The following ST6GALNAC3 variants were observed in gnomAD, a reference collection of about 807,000 sequenced individuals.
ST6GALNAC3 encodes ST6 N-acetylgalactosaminide alpha-2,6-sialyltransferase 3.
Under a neutral mutation model 32.7 loss-of-function variants are expected in ST6GALNAC3, and 25 were observed. That is an observed-to-expected ratio of 0.76 (90% CI 0.56 to 1.07). The LOEUF (loss-of-function observed/expected upper bound fraction) is 1.07. Among genes scored for constraint, ST6GALNAC3 ranks in the 50% least tolerant of loss-of-function variants. The probability of loss-of-function intolerance (pLI) is 0.00; values close to 1 mark genes in which losing one functional copy is unlikely to be tolerated. For missense variants in ST6GALNAC3, 355 were observed against 382.4 expected (o/e 0.93, Z 0.60); for synonymous variants, 129 against 133.1 (o/e 0.97, Z 0.21).
At chr1:76,257,281 T>C (rs56219151) in intron 1 of ST6GALNAC3, among the ~76,000 whole-genome samples, 1 of 152,132 alleles carries the variant, frequency 6.6e-6, no homozygotes. Context: ...AAATTCATTT[T>C]ATAGGAATTA....
At chr1:76,518,958 C>G (rs889757626) in intron 3 of ST6GALNAC3, among the ~76,000 whole-genome samples, 1 of 152,078 alleles carries the variant, frequency 6.6e-6, no homozygotes, top group Non-Finnish European at 1.5e-5. Flanking sequence ...CCTAGCTACT[C>G]AGGAGGCTAA....
chr1:76,256,491 T>C (rs920706635), intron 1 of ST6GALNAC3, among the ~76,000 whole-genome samples: 1 of 152,064 alleles, frequency 6.6e-6, no homozygotes, highest in East Asian at 1.9e-4. Context: ...TGAAGTGGCG[T>C]TGTAAGTGGC....
chr1:76,368,718 A>G (rs1557828930), intron 2 of ST6GALNAC3, among the ~76,000 whole-genome samples: 1 of 152,212 alleles, frequency 6.6e-6, no homozygotes, highest in Non-Finnish European at 1.5e-5. Context: ...TCATAATTCT[A>G]GCAGGTGAAA....
intron 1 of ST6GALNAC3, among the ~76,000 whole-genome samples, chr1:76,265,753 T>G (rs959046413): frequency 3.3e-5 from 5 of 152,188 alleles, no homozygotes; most frequent in African/African-American, 1.2e-4. Context: ...TAAATGAATA[T>G]ATAAAATCTC....
intron 3 of ST6GALNAC3, among the ~76,000 whole-genome samples, chr1:76,471,742 C>T (rs2101628101): frequency 6.6e-6 from 1 of 152,146 alleles, no homozygotes; most frequent in African/African-American, 2.4e-5. Flanking sequence ...GAGCCATTTC[C>T]TTTTGTTTTA....
intron 3 of ST6GALNAC3, among the ~76,000 whole-genome samples, chr1:76,451,168 T>C (rs1657372909): frequency 6.6e-6 from 1 of 152,190 alleles, no homozygotes; most frequent in Non-Finnish European, 1.5e-5. Context: ...ATATTGATTC[T>C]ACCCATCTGT....
intron 2 of ST6GALNAC3, among the ~76,000 whole-genome samples, chr1:76,367,219 G>A (rs942541378): frequency 2.0e-5 from 3 of 152,156 alleles, no homozygotes; most frequent in Non-Finnish European, 4.4e-5. Context: ...TATAAATTCA[G>A]TCATTAGTTT....
In ST6GALNAC3 at chr1:76,614,476, T is replaced by G. The variant is rs576149438; in HGVS notation, c.624-12976T>G. ...GGCTCACGCCTGTAATCCCAGCACT[T>G]TGGGAGGCCGAGGCGGGCAGATCAC... On this transcript the variant is annotated intron_variant, in intron 3 of 4. Coordinates refer to ENST00000328299, the MANE Select transcript of ST6GALNAC3 (RefSeq NM_152996.4). Among the ~76,000 whole-genome samples, 12 of 152,146 alleles carry G rather than the reference T, an allele frequency of 7.9e-5. No individual in the cohort carries two copies. The South Asian group carries it at 1.7e-3, about 21-fold the overall frequency.
chr1:76,243,606 A>G (rs1437936369), intron 1 of ST6GALNAC3, among the ~76,000 whole-genome samples: 1 of 152,122 alleles, frequency 6.6e-6, no homozygotes, highest in Non-Finnish European at 1.5e-5. Context: ...TAAGTCTTTA[A>G]TTCATCTTGA....
At chr1:76,488,655 G>T (rs1660294409) in intron 3 of ST6GALNAC3, among the ~76,000 whole-genome samples, 1 of 152,276 alleles carries the variant, frequency 6.6e-6, no homozygotes, top group South Asian at 2.1e-4. Flanking sequence ...GGGCATACTG[G>T]CCCTTTGACC....
chr1:76,382,958 G>A (rs1267170731), intron 2 of ST6GALNAC3, among the ~76,000 whole-genome samples: 36 of 152,076 alleles, frequency 2.4e-4, no homozygotes, highest in Admixed American at 6.6e-5. Flanking sequence ...ACCTAGGTAC[G>A]TTAGAACGAA....
chr1:76,478,205 C>T (rs575123234), intron 3 of ST6GALNAC3, among the ~76,000 whole-genome samples: 1 of 152,260 alleles, frequency 6.6e-6, no homozygotes, highest in South Asian at 2.1e-4. Flanking sequence ...GACTAATTTC[C>T]CTTTAGCCCA....
intron 3 of ST6GALNAC3, among the ~76,000 whole-genome samples, chr1:76,475,437 G>T (rs1228955903): frequency 6.6e-6 from 1 of 152,094 alleles, no homozygotes; most frequent in Non-Finnish European, 1.5e-5. Flanking sequence ...GTCTGGTAAG[G>T]GCACAAGTTA....
At chr1:76,569,618 C>T (rs1665747110) in intron 3 of ST6GALNAC3, among the ~76,000 whole-genome samples, 1 of 151,904 alleles carries the variant, frequency 6.6e-6, no homozygotes, top group Non-Finnish European at 1.5e-5. Flanking sequence ...AAATAACACG[C>T]CCCCAGTAAT....
intron 3 of ST6GALNAC3, among the ~76,000 whole-genome samples, chr1:76,601,460 C>T (rs1647234305): frequency 6.6e-6 from 1 of 152,098 alleles, no homozygotes; most frequent in Non-Finnish European, 1.5e-5. Flanking sequence ...AAATCATTAG[C>T]TCCGGAAGTA....
chr1:76,397,676 G>C (rs1653080749), intron 2 of ST6GALNAC3, among the ~76,000 whole-genome samples: 1 of 151,884 alleles, frequency 6.6e-6, no homozygotes, highest in Non-Finnish European at 1.5e-5. Flanking sequence ...GCCCGGCCAA[G>C]GTGTTCATTT....
At chr1:76,185,491 C>T (rs548168576) in intron 1 of ST6GALNAC3, among the ~76,000 whole-genome samples, 15 of 152,280 alleles carry the variant, frequency 9.9e-5, no homozygotes, top group African/African-American at 3.6e-4. Context: ...AAATATGTCA[C>T]GAAATCCTGT....
At chr1:76,216,035 A>C (rs900076132) in intron 1 of ST6GALNAC3, among the ~76,000 whole-genome samples, 2 of 151,648 alleles carry the variant, frequency 1.3e-5, no homozygotes, top group Admixed American at 1.3e-4. Context: ...CTCATCTCTT[A>C]CTCTTTTGCT....
rs184181869 is a variant in ST6GALNAC3 at position 76,627,472 on chromosome 1, T to A, written c.644T>A (p.Leu215His). The change falls in exon 4 of 5, where the codon CTC becomes CAC. Residue 215 changes from leucine to histidine, a missense_variant. By Grantham distance (99) the Leu-to-His change is moderately conservative (BLOSUM62 -3). Coordinates refer to ENST00000328299, the MANE Select transcript of ST6GALNAC3 (RefSeq NM_152996.4). Reference protein sequence around the residue: ...GKDRVQSGSYLSTGWFTFLLA... With the variant: ...GKDRVQSGSYHSTGWFTFLLA... ...CTCAGAGTCCAGTCTGGCTCATATC[T>A]CAGCACAGGGTGGTTTACCTTCCTT... The A allele has an allele frequency of 3.7e-6, 6 of 1,612,446 alleles. 1 individual carries two copies. In the Admixed American group the frequency reaches 1.0e-4, roughly 27 times the overall value.
Sources: allele counts gnomAD v4.1 joint callset (sites outside exome capture counted in the v4.1 genomes callset), GRCh38; gene constraint gnomAD v4.1.1; transcripts MANE v1.5; gene names NCBI Gene and HGNC (gene_info 2026-07-23, HGNC 2026-07-21).